The following NNT variants were observed in gnomAD, a reference collection of about 807,000 sequenced individuals.
NNT encodes the protein NAD(P) transhydrogenase, mitochondrial.
A neutral mutation model predicts 104.8 loss-of-function variants in NNT; 50 were observed. That is an observed-to-expected ratio of 0.48 (90% CI 0.38 to 0.60). The LOEUF (loss-of-function observed/expected upper bound fraction) is 0.60, where lower values mean the gene tolerates loss of function less well. Ranked by LOEUF, NNT falls within the 20% of genes least tolerant of loss-of-function variation. The probability of loss-of-function intolerance (pLI) is 0.00; values close to 1 mark genes in which losing one functional copy is unlikely to be tolerated. For synonymous variants in NNT, 461 were observed against 490.4 expected (o/e 0.94, Z 0.79); for missense variants, 1,131 against 1,330.7 (o/e 0.85, Z 2.33).
chr5:43,672,281 A>G (rs1199333152), intron 17 of NNT, among the ~76,000 whole-genome samples: 1 of 152,132 alleles, frequency 6.6e-6, no homozygotes, highest in Non-Finnish European at 1.5e-5. Flanking sequence ...TCTTCTCTCA[A>G]CTTGTCAAAG....
chr5:43,698,268 C>T (rs1405177037), intron 19 of NNT, among the ~76,000 whole-genome samples: 2 of 151,660 alleles, frequency 1.3e-5, no homozygotes, highest in East Asian at 1.9e-4. Context: ...TTTGTTACCA[C>T]TTTGATGAGA....
chr5:43,703,061 G>T (rs1742941957), intron 21 of NNT, among the ~76,000 whole-genome samples: 1 of 152,152 alleles, frequency 6.6e-6, no homozygotes, highest in South Asian at 2.1e-4. Flanking sequence ...TGAAGCAGAT[G>T]GCTTCCCTCT....
intron 15 of NNT, 41 bp from the exon 16 acceptor site, chr5:43,656,612 C>T: frequency 1.3e-6 from 2 of 1,539,390 alleles, no homozygotes; most frequent in South Asian, 1.2e-5. Flanking sequence ...TATTTTCTTA[C>T]AACACATTCT....
rs188425441 is a variant in NNT at position 43,650,435 on chromosome 5, G to A, written c.1607-42G>A. On this transcript the variant is annotated intron_variant, in intron 11 of 21. Coordinates refer to ENST00000344920, the MANE Select transcript of NNT (RefSeq NM_182977.3). ...TTCAGCTATGATATTTGATTTGGTGGTGTCACTATCACTATTAACCATGTT... is the reference window on the plus strand; with the variant it reads ...TTCAGCTATGATATTTGATTTGGTGATGTCACTATCACTATTAACCATGTT... The A allele has an allele frequency of 3.7e-6, 5 of 1,351,468 alleles. 1 individual carries two copies. The South Asian group carries it at 5.9e-5, about 16-fold the overall frequency. 83.7% of individuals were successfully genotyped at this position (1,351,468 alleles called of 1,614,324 possible).
At chr5:43,613,597 C>G (rs1329492442) in intron 3 of NNT, 1 of 153,228 alleles carries the variant, frequency 6.5e-6, no homozygotes, top group East Asian at 1.9e-4. Context: ...TTGGAGAAAG[C>G]AGCTTTGGGC....
At chr5:43,634,285 G>T (rs1337200441) in intron 7 of NNT, among the ~76,000 whole-genome samples, 1 of 152,080 alleles carries the variant, frequency 6.6e-6, no homozygotes, top group Non-Finnish European at 1.5e-5. Flanking sequence ...TCTTTCATAT[G>T]GAGTGGAAAT....
chr5:43,681,397 T>A (rs531632197), intron 19 of NNT, among the ~76,000 whole-genome samples: 215 of 152,220 alleles, frequency 1.4e-3, no homozygotes, highest in Non-Finnish European at 2.4e-3. Context: ...TTATTTTTTT[T>A]AATTATTATT....
At chr5:43,621,385 A>G (rs941412469) in intron 5 of NNT, among the ~76,000 whole-genome samples, 11 of 152,238 alleles carry the variant, frequency 7.2e-5, no homozygotes, top group African/African-American at 2.7e-4. Flanking sequence ...AGATTGAATG[A>G]AAATCAATCA....
At chr5:43,669,389 C>G (rs1323313499) in intron 17 of NNT, among the ~76,000 whole-genome samples, 1 of 152,136 alleles carries the variant, frequency 6.6e-6, no homozygotes, top group East Asian at 1.9e-4. Flanking sequence ...CCAGTTTTTG[C>G]CCATTCAGTA....
intron 10 of NNT, among the ~76,000 whole-genome samples, chr5:43,647,687 A>G (rs1365688859): frequency 6.6e-6 from 1 of 152,198 alleles, no homozygotes. Context: ...TAGAAAATAC[A>G]TTAGTTTATT....
intron 4 of NNT, among the ~76,000 whole-genome samples, 178 bp from the exon 5 acceptor site, chr5:43,618,854 A>C (rs1438350235): frequency 6.6e-6 from 1 of 152,192 alleles, no homozygotes; most frequent in African/African-American, 2.4e-5. Flanking sequence ...TTGTTGTGCA[A>C]ATTAAAGGAG....
chr5:43,675,834 TCA>T (rs1741387820), intron 18 of NNT, among the ~76,000 whole-genome samples, 164 bp downstream of exon 18: 1 of 152,188 alleles, frequency 6.6e-6, no homozygotes, highest in Admixed American at 6.5e-5. Flanking sequence ...CTGAGAATTC[TCA>T]GTTTAAATTA....
At chr5:43,653,506 A>G in intron 14 of NNT, 1 of 222,894 alleles carries the variant, frequency 4.5e-6, no homozygotes, top group Middle Eastern at 1.5e-3. Context: ...TGTATGTACT[A>G]TACATAAGCT....
In NNT at chr5:43,677,764, C is replaced by T. The variant is rs777467659; in HGVS notation, c.2834C>T (p.Ala945Val). The T allele has an allele frequency of 6.2e-7, 1 of 1,613,670 alleles. No individual in the cohort carries two copies. The highest frequency in any genetic ancestry group is 1.1e-5 in the South Asian group (1 of 91,064). Reference protein sequence around the residue: ...LCAAKAQYPIADLVKMLTEQG... With the variant: ...LCAAKAQYPIVDLVKMLTEQG... The stretch of plus-strand genomic sequence containing the variant: ...GCAGCCAAAGCTCAATACCCCATTG[C>T]TGATTTGGTAAAGATGCTCACTGAG... The change falls in exon 19 of 22, where the codon GCT (alanine) becomes GTT (valine). Residue 945 changes from alanine (A) to valine (V), a missense_variant. Transcript: ENST00000344920.
chr5:43,645,643 CTATCTA>C (rs1739355602), intron 10 of NNT, 133 bp downstream of exon 10: 2 of 115,498 alleles, frequency 1.7e-5, no homozygotes, highest in African/African-American at 7.9e-5. Context: ...ATCTACACAT[CTATCTA>C]TCTATCTCTC....
rs540191932 is a variant in NNT, at chr5:43,614,981, C to CA, written c.382-861dup. 1.9e-3 allele frequency among the ~76,000 whole-genome samples: 289 copies of CA among 150,466 alleles called. 1 individual carries two copies. The highest frequency in any genetic ancestry group is 6.9e-3 in the African/African-American group (283 of 40,838). On this transcript the variant is annotated intron_variant, in intron 3 of 21. Transcript: ENST00000344920. ...TGAAACCCCGTCTCTACTAAAAATA[C>CA]AAAAAATTAGCCGGGCGCGGTGGCG...
Position 43,645,447 on chromosome 5 carries a change from G to T in NNT, c.1381G>T (p.Glu461Ter). Residue 461 changes from glutamate (E) to a stop codon, truncating the protein, a stop_gained, in exon 10 of 22, where the codon GAA (glutamate) becomes TAA (stop). Transcript: ENST00000344920. LOFTEE classifies it high-confidence loss of function. ...KQKTVAELEA[E>*]KAATITPFRK... Reference sequence around the variant, plus strand: ...GAAGACAGTGGCTGAGCTGGAAGCTGAAAAAGCAGCTACCATTACACCCTT... The same window carrying T: ...GAAGACAGTGGCTGAGCTGGAAGCTTAAAAAGCAGCTACCATTACACCCTT... 1 of 1,575,456 alleles carries T rather than the reference G, an allele frequency of 6.3e-7. No homozygotes were observed. Among genetic ancestry groups the T allele is most frequent in the Non-Finnish European group, 8.6e-7 (1 of 1,159,716 alleles).
intron 14 of NNT, 30 bp downstream of exon 14, chr5:43,653,243 T>C: frequency 6.4e-7 from 1 of 1,566,320 alleles, no homozygotes; most frequent in Non-Finnish European, 8.7e-7. Flanking sequence ...TGCCTTCATG[T>C]GAACTCCAGT....
In NNT at chr5:43,653,159, G is replaced by A. The variant is rs936524839; in HGVS notation, c.2005G>A (p.Gly669Ser). ...LAATLGVLKP[G>S]PELLAQMSGA... ...AGCCACCCTCGGAGTCCTAAAACCGGGCCCAGAATTACTAGCTCAGATGTC... is the reference window on the plus strand; with the variant it reads ...AGCCACCCTCGGAGTCCTAAAACCGAGCCCAGAATTACTAGCTCAGATGTC... Residue 669 changes from glycine to serine, a missense_variant, in exon 14 of 22, where the codon GGC (glycine) becomes AGC (serine). By Grantham distance (56) the Gly-to-Ser change is moderately conservative (BLOSUM62 0). Transcript: ENST00000344920. 4 of 1,613,984 alleles carry A rather than the reference G, an allele frequency of 2.5e-6. No individual in the cohort carries two copies. The highest frequency in any genetic ancestry group is 3.3e-5 in the Admixed American group (2 of 59,986).
Sources: allele counts gnomAD v4.1 joint callset (sites outside exome capture counted in the v4.1 genomes callset), GRCh38; gene constraint gnomAD v4.1.1; transcripts MANE v1.5; gene names NCBI Gene and HGNC (gene_info 2026-07-23, HGNC 2026-07-21).